DLG2: variants seen among roughly 807,000 people sequenced by gnomAD.
The protein encoded by DLG2 is discs large MAGUK scaffold protein 2.
Under a neutral mutation model 132.5 loss-of-function variants are expected in DLG2, and 45 were observed. The observed-to-expected ratio is 0.34, with a 90% CI of 0.27 to 0.44. DLG2 has a LOEUF of 0.44. Ranked by LOEUF, DLG2 falls within the 20% of genes least tolerant of loss-of-function variation. The pLI is 1.00. For missense variants in DLG2, 1,045 were observed against 1,196.9 expected (o/e 0.87, Z 1.87); for synonymous variants, 424 against 419.6 (o/e 1.01, Z -0.13).
intron 11 of DLG2, among the ~76,000 whole-genome samples, chr11:84,013,410 A>G (rs34150725): frequency 0.022 from 3,366 of 152,294 alleles, 66 homozygotes; most frequent in Middle Eastern, 0.034. Context: ...ATGGAAAAAT[A>G]AATAACTGCA....
intron 17 of DLG2, among the ~76,000 whole-genome samples, chr11:83,825,096 C>G (rs936132463): frequency 3.5e-5 from 5 of 142,476 alleles, no homozygotes; most frequent in African/African-American, 1.0e-4. Context: ...CATATATATA[C>G]ACATATATAT....
intron 7 of DLG2, among the ~76,000 whole-genome samples, chr11:84,529,058 G>C (rs1280244338): frequency 6.6e-6 from 1 of 152,116 alleles, no homozygotes; most frequent in Non-Finnish European, 1.5e-5. Context: ...CCTTAAAACG[G>C]ACTTTTTTTT....
intron 6 of DLG2, among the ~76,000 whole-genome samples, chr11:84,881,338 TG>T (rs1363159020): frequency 1.3e-5 from 2 of 152,114 alleles, no homozygotes; most frequent in Admixed American, 1.3e-4. Flanking sequence ...GCAAGTTTCA[TG>T]AATTTCTCTT....
At chr11:84,312,347 C>T (rs1023976642) in intron 7 of DLG2, among the ~76,000 whole-genome samples, 5 of 152,012 alleles carry the variant, frequency 3.3e-5, no homozygotes, top group Non-Finnish European at 4.4e-5. Flanking sequence ...GGCCTGGTGG[C>T]GCGTGCCTGT....
At chr11:85,493,123 G>A (rs948613616) in intron 3 of DLG2, among the ~76,000 whole-genome samples, 1 of 152,136 alleles carries the variant, frequency 6.6e-6, no homozygotes, top group Non-Finnish European at 1.5e-5. Context: ...GTAATCAGGA[G>A]GTTTATGAAC....
chr11:84,102,403 C>G (rs976560924), intron 9 of DLG2, among the ~76,000 whole-genome samples: 2 of 152,044 alleles, frequency 1.3e-5, no homozygotes, highest in South Asian at 4.1e-4. Context: ...TGTGCCCTAA[C>G]AGGAAGACTC....
At chr11:84,349,769 C>A (rs2154411259) in intron 7 of DLG2, among the ~76,000 whole-genome samples, 1 of 152,164 alleles carries the variant, frequency 6.6e-6, no homozygotes, top group South Asian at 2.1e-4. Flanking sequence ...TCACTTTTGG[C>A]AGAGAGGATT....
At chr11:83,973,375 C>A (rs1177643796) in intron 12 of DLG2, among the ~76,000 whole-genome samples, 1 of 151,988 alleles carries the variant, frequency 6.6e-6, no homozygotes, top group Non-Finnish European at 1.5e-5. Context: ...TAAAATATGT[C>A]ATAGCAATTA....
Position 85,321,606 on chromosome 11 carries a change from G to A in DLG2, c.41-36241C>T, listed in dbSNP as rs978195788. On this transcript the variant is annotated intron_variant, in intron 3 of 27. Coordinates refer to ENST00000376104, the MANE Select transcript of DLG2 (RefSeq NM_001142699.3). ...TTTAGAGATTTGGGAAAATAAACAG[G>A]AAGATCTAGGTAAGATGACTAAGAA... 3.3e-5 allele frequency among the ~76,000 whole-genome samples: 5 copies of A among 152,156 alleles called. No homozygotes were observed. The East Asian group carries it at 9.7e-4, about 29-fold the overall frequency.
At chr11:83,721,909 C>A (rs1593097014) in intron 18 of DLG2, among the ~76,000 whole-genome samples, 1 of 152,084 alleles carries the variant, frequency 6.6e-6, no homozygotes, top group Admixed American at 6.5e-5. Flanking sequence ...GTAGGTATTT[C>A]AAAACACAAA....
At chr11:85,080,574 C>A (rs1055578054) in intron 6 of DLG2, among the ~76,000 whole-genome samples, 2 of 152,076 alleles carry the variant, frequency 1.3e-5, no homozygotes, top group South Asian at 4.1e-4. Context: ...TCTCCCAGGT[C>A]TGAAGATGAG....
At chr11:83,460,999 G>GT (rs10591072) in intron 27 of DLG2, among the ~76,000 whole-genome samples, 2,282 of 107,040 alleles carry the variant, frequency 0.021, 121 homozygotes, top group African/African-American at 0.048. Context: ...AAGTTCTTGG[G>GT]TTTTTTTTTT....
chr11:84,105,516 A>T (rs1281135599), intron 9 of DLG2, among the ~76,000 whole-genome samples: 2 of 152,182 alleles, frequency 1.3e-5, no homozygotes, highest in African/African-American at 4.8e-5. Flanking sequence ...GGGAGAACAG[A>T]TGTCAAACAA....
chr11:84,855,016 G>A (rs925941968), intron 6 of DLG2, among the ~76,000 whole-genome samples: 2 of 151,988 alleles, frequency 1.3e-5, no homozygotes, highest in Non-Finnish European at 1.5e-5. Context: ...AATAATAGTT[G>A]GTTGACAGAT....
At chr11:83,603,494 T>C (rs896464777) in intron 19 of DLG2, among the ~76,000 whole-genome samples, 2 of 152,228 alleles carry the variant, frequency 1.3e-5, no homozygotes, top group African/African-American at 2.4e-5. Flanking sequence ...TATCCCTGTA[T>C]ACAAATTTTC....
intron 4 of DLG2, among the ~76,000 whole-genome samples, chr11:85,161,057 T>C (rs1003537180): frequency 6.6e-6 from 1 of 152,150 alleles, no homozygotes; most frequent in African/African-American, 2.4e-5. Flanking sequence ...GGAAGAAGCA[T>C]GACTGGAAAA....
At chr11:85,601,708 T>C (rs1450447430) in intron 2 of DLG2, among the ~76,000 whole-genome samples, 1 of 152,164 alleles carries the variant, frequency 6.6e-6, no homozygotes, top group Non-Finnish European at 1.5e-5. Flanking sequence ...TCTTGCAAGC[T>C]GACATGAGCC....
At chr11:84,099,074 A>C in intron 9 of DLG2, 27 bp from the exon 10 acceptor site, 6 of 1,606,232 alleles carry the variant, frequency 3.7e-6, no homozygotes, top group Non-Finnish European at 5.1e-6. Flanking sequence ...CAGATATTAA[A>C]TGATGTGTCT....
In DLG2 at chr11:84,218,380, G is replaced by C. The variant is rs895131125; in HGVS notation, c.573+32858C>G. On this transcript the variant is annotated intron_variant, in intron 8 of 27. Transcript: ENST00000376104. ...AGAGCGAGAGAAAGGGAGAAAGGGA[G>C]GGAGGGAGGGAGGGAGGGAGGAAGG... Among the ~76,000 whole-genome samples, 4 of 108,820 alleles carry C rather than the reference G, an allele frequency of 3.7e-5. No homozygotes were observed. In the East Asian group the frequency reaches 1.2e-3, roughly 33 times the overall value. The allele number at this position is 108,820 out of a possible 152,430, so 71.4% of individuals were successfully genotyped here. A position where few individuals can be genotyped will look rare whatever the true frequency, so the allele number is the denominator to read the frequency against.
Sources: allele counts gnomAD v4.1 joint callset (sites outside exome capture counted in the v4.1 genomes callset), GRCh38; gene constraint gnomAD v4.1.1; transcripts MANE v1.5; gene names NCBI Gene and HGNC (gene_info 2026-07-23, HGNC 2026-07-21).